Variants in DGKB observed in about 807,000 individuals in gnomAD.
DGKB encodes the protein 90 kDa diacylglycerol kinase.
DGKB carries 67 observed loss-of-function variants against 114.3 expected under a neutral mutation model. That is an observed-to-expected ratio of 0.59 (90% CI 0.48 to 0.72). DGKB has a LOEUF of 0.72. Among genes scored for constraint, DGKB ranks in the 30% least tolerant of loss-of-function variants. The pLI, the probability that DGKB is intolerant of heterozygous loss-of-function variation, is 0.00. For missense variants in DGKB, 907 were observed against 975.2 expected (o/e 0.93, Z 0.93); for synonymous variants, 398 against 323.1 (o/e 1.23, Z -2.49).
Position 14,880,768 on chromosome 7 carries a change from G to A in DGKB, c.-188+21824C>T, listed in dbSNP as rs190310838. Among the ~76,000 whole-genome samples the A allele has an allele frequency of 1.9e-3, 288 of 152,230 alleles. 1 individual carries two copies. Among genetic ancestry groups the A allele is most frequent in the African/African-American group, 6.8e-3 (283 of 41,558 alleles). On this transcript the variant is annotated intron_variant, in intron 1 of 25. Transcript: ENST00000402815. ...TCTCTAGGAGCCTCATACCAAGCTCGTAACTTTAATTTAATCACCATTAAA... is the reference window on the plus strand; with the variant it reads ...TCTCTAGGAGCCTCATACCAAGCTCATAACTTTAATTTAATCACCATTAAA...
chr7:14,931,822 G>C (rs1197491805), intron 1 of DGKB, among the ~76,000 whole-genome samples: 2 of 150,294 alleles, frequency 1.3e-5, no homozygotes, highest in East Asian at 4.1e-4. Context: ...CTCTTCAACT[G>C]TTCAGGTCCC....
intron 21 of DGKB, among the ~76,000 whole-genome samples, chr7:14,462,916 A>G (rs1833297579): frequency 6.6e-6 from 1 of 152,186 alleles, no homozygotes. Context: ...GGAACAGAAC[A>G]TAGGCCTCAG....
At chr7:14,739,429 G>A (rs746837524) in intron 4 of DGKB, among the ~76,000 whole-genome samples, 2 of 152,186 alleles carry the variant, frequency 1.3e-5, no homozygotes, top group African/African-American at 2.4e-5. Context: ...TTCAGCTCAT[G>A]TGTGGTGGCC....
chr7:14,458,326 A>G (rs907408016), intron 21 of DGKB, among the ~76,000 whole-genome samples: 1 of 152,240 alleles, frequency 6.6e-6, no homozygotes, highest in African/African-American at 2.4e-5. Context: ...TAAGTTAAAT[A>G]ATTTAAATTT....
At chr7:14,943,881 C>A (rs907195894) in intron 1 of DGKB, among the ~76,000 whole-genome samples, 1 of 151,918 alleles carries the variant, frequency 6.6e-6, no homozygotes, top group Non-Finnish European at 1.5e-5. Flanking sequence ...CTGGTCCCCA[C>A]AACTCCTTAT....
chr7:14,605,517 C>CA (rs1359421590), intron 17 of DGKB, among the ~76,000 whole-genome samples: 7 of 151,504 alleles, frequency 4.6e-5, no homozygotes, highest in Non-Finnish European at 1.0e-4. Context: ...TAGTAGTGCT[C>CA]AAAGTGGGAC....
chr7:14,200,418 A>C (rs903649481), intron 23 of DGKB, among the ~76,000 whole-genome samples: 1 of 152,012 alleles, frequency 6.6e-6, no homozygotes, highest in Non-Finnish European at 1.5e-5. Flanking sequence ...ATTTTAGTGC[A>C]ACTCATGTAT....
intron 1 of DGKB, among the ~76,000 whole-genome samples, chr7:14,958,899 C>G (rs1333445148): frequency 6.6e-6 from 1 of 152,078 alleles, no homozygotes; most frequent in African/African-American, 2.4e-5. Flanking sequence ...GAGAAAATGA[C>G]TGTGTTTATT....
chr7:14,857,404 C>A (rs1030763838), intron 1 of DGKB, among the ~76,000 whole-genome samples: 1 of 152,008 alleles, frequency 6.6e-6, no homozygotes, highest in Admixed American at 6.6e-5. Flanking sequence ...AGAATACAAC[C>A]CACAGACACT....
intron 2 of DGKB, among the ~76,000 whole-genome samples, chr7:14,797,547 A>G (rs1841566537): frequency 1.3e-5 from 2 of 152,186 alleles, no homozygotes; most frequent in Non-Finnish European, 2.9e-5. Flanking sequence ...GGATAAAATC[A>G]GGCTTTTTCA....
intron 17 of DGKB, among the ~76,000 whole-genome samples, chr7:14,607,156 T>C (rs1804664511): frequency 1.1e-5 from 1 of 87,080 alleles, no homozygotes; most frequent in Non-Finnish European, 2.6e-5. Context: ...AGCTAGTTTG[T>C]CGTGTGTGTG....
chr7:14,373,779 C>T (rs1818055969), intron 21 of DGKB, among the ~76,000 whole-genome samples: 1 of 152,084 alleles, frequency 6.6e-6, no homozygotes. Context: ...GTAGATGACT[C>T]CCACTAGTAT....
intron 23 of DGKB, among the ~76,000 whole-genome samples, chr7:14,251,216 G>T (rs1490901081): frequency 1.3e-5 from 2 of 151,834 alleles, no homozygotes; most frequent in African/African-American, 4.8e-5. Flanking sequence ...TTTTTCCTCT[G>T]ACTGTATTAC....
At chr7:14,336,652 G>T (rs1810728771) in intron 23 of DGKB, among the ~76,000 whole-genome samples, 1 of 152,110 alleles carries the variant, frequency 6.6e-6, no homozygotes, top group East Asian at 1.9e-4. Flanking sequence ...ACAGTTACAG[G>T]CACTGACAGC....
chr7:14,218,534 G>A (rs953019198), intron 23 of DGKB, among the ~76,000 whole-genome samples: 69 of 152,018 alleles, frequency 4.5e-4, no homozygotes, highest in African/African-American at 1.5e-3. Flanking sequence ...GCTTTGAATT[G>A]ACCAAAGGCC....
intron 1 of DGKB, among the ~76,000 whole-genome samples, chr7:14,955,025 G>A (rs1489414030): frequency 6.6e-6 from 1 of 152,042 alleles, no homozygotes; most frequent in African/African-American, 2.4e-5. Context: ...GGAGACAAGA[G>A]AATCAGCTAA....
At chr7:14,535,948 G>T in intron 20 of DGKB, among the ~76,000 whole-genome samples, 1 of 152,024 alleles carries the variant, frequency 6.6e-6, no homozygotes, top group East Asian at 1.9e-4. Flanking sequence ...GAAAAAAAGA[G>T]AGAAGACCCA....
intron 1 of DGKB, among the ~76,000 whole-genome samples, chr7:14,846,368 T>C (rs2128148596): frequency 6.6e-6 from 1 of 152,304 alleles, no homozygotes; most frequent in African/African-American, 2.4e-5. Flanking sequence ...AAATAAGGGT[T>C]GGTTACAAGT....
intron 17 of DGKB, among the ~76,000 whole-genome samples, chr7:14,595,104 G>A (rs1459016990): frequency 1.3e-5 from 2 of 152,034 alleles, no homozygotes; most frequent in Admixed American, 6.6e-5. Flanking sequence ...TAAACTTGGA[G>A]ACATATGAGT....
Sources: allele counts gnomAD v4.1 joint callset (sites outside exome capture counted in the v4.1 genomes callset), GRCh38; gene constraint gnomAD v4.1.1; transcripts MANE v1.5; gene names NCBI Gene and HGNC (gene_info 2026-07-23, HGNC 2026-07-21).